Variants in CALN1 observed in about 807,000 individuals in gnomAD.
CALN1 encodes calcium-binding protein 8.
CALN1 carries 17 observed loss-of-function variants against 30.6 expected under a neutral mutation model. The ratio of observed to expected loss-of-function variants is 0.56; its 90% CI spans 0.38 to 0.83. The LOEUF is 0.83. Ranked by LOEUF, CALN1 falls within the 40% of genes least tolerant of loss-of-function variation. The probability of loss-of-function intolerance (pLI) is 0.00; values close to 1 mark genes in which losing one functional copy is unlikely to be tolerated. For missense variants in CALN1, 291 were observed against 354.9 expected, an observed-to-expected ratio of 0.82 and a Z score of 1.45; for synonymous variants, 156 against 131.4, an observed-to-expected ratio of 1.19 and a Z score of -1.28.
intron 5 of CALN1, among the ~76,000 whole-genome samples, chr7:71,971,174 C>T (rs185029903): frequency 6.6e-6 from 1 of 152,178 alleles, no homozygotes; most frequent in African/African-American, 2.4e-5. Flanking sequence ...TGAGGCCAGG[C>T]GTGGTGGCTC....
At chr7:72,386,034 C>T (rs1233333081) in intron 2 of CALN1, among the ~76,000 whole-genome samples, 3 of 152,122 alleles carry the variant, frequency 2.0e-5, no homozygotes, top group Non-Finnish European at 4.4e-5. Context: ...GAAAAGGCTA[C>T]CTACTGTATG....
At chr7:72,271,050 C>T (rs1216446410) in intron 3 of CALN1, among the ~76,000 whole-genome samples, 2 of 152,172 alleles carry the variant, frequency 1.3e-5, no homozygotes, top group Non-Finnish European at 2.9e-5. Context: ...CAAGAGATAA[C>T]AAGGATGATT....
the CALN1 span, among the ~76,000 whole-genome samples, chr7:72,497,495 A>C: frequency 6.6e-6 from 1 of 152,336 alleles, no homozygotes. Context: ...TCACCAACTT[A>C]AAGGGATTTG....
intron 2 of CALN1, among the ~76,000 whole-genome samples, chr7:72,369,291 ATATATATT>A (rs1388372454): frequency 8.1e-4 from 120 of 147,586 alleles, no homozygotes; most frequent in Non-Finnish European, 1.4e-3. Context: ...CATATAAAAT[ATATATATT>A]TATATATTTA....
intron 2 of CALN1, among the ~76,000 whole-genome samples, chr7:72,281,939 GA>G (rs1045722923): frequency 2.0e-5 from 3 of 150,166 alleles, no homozygotes; most frequent in African/African-American, 4.9e-5. Flanking sequence ...ATTTGCTTCT[GA>G]AAAAAAAAGG....
At chr7:72,285,277 C>T (rs760840631) in intron 2 of CALN1, among the ~76,000 whole-genome samples, 9 of 152,152 alleles carry the variant, frequency 5.9e-5, no homozygotes, top group Non-Finnish European at 1.2e-4. Flanking sequence ...TGGAGTCTTG[C>T]TCTGTTGCCC....
intron 5 of CALN1, among the ~76,000 whole-genome samples, chr7:72,010,308 A>G (rs762415588): frequency 2.6e-5 from 4 of 152,172 alleles, no homozygotes; most frequent in African/African-American, 7.2e-5. Context: ...ATATTCTGCA[A>G]TCTGGGAGAG....
At chr7:72,205,551 A>AAATATATATAT in intron 3 of CALN1, among the ~76,000 whole-genome samples, 6 of 83,052 alleles carry the variant, frequency 7.2e-5, no homozygotes, top group African/African-American at 4.5e-4. Context: ...GCAAAAAAAA[A>AAATATATATAT]ATATATATAT....
intron 4 of CALN1, among the ~76,000 whole-genome samples, chr7:72,061,403 CT>C (rs1433788494): frequency 1.3e-5 from 2 of 151,968 alleles, no homozygotes; most frequent in African/African-American, 4.8e-5. Flanking sequence ...AGGTTTTTAT[CT>C]TTTTCTATCT....
intron 2 of CALN1, among the ~76,000 whole-genome samples, chr7:72,339,518 T>C (rs1802284963): frequency 6.6e-6 from 1 of 152,208 alleles, no homozygotes; most frequent in African/African-American, 2.4e-5. Flanking sequence ...AGCAACTTGA[T>C]AAGCAAGAAG....
chr7:72,015,941 C>T (rs1261559186), intron 5 of CALN1, among the ~76,000 whole-genome samples: 3 of 152,008 alleles, frequency 2.0e-5, no homozygotes, highest in African/African-American at 7.2e-5. Flanking sequence ...ATTAAGGTTC[C>T]ATTAGATGAT....
the CALN1 span, among the ~76,000 whole-genome samples, chr7:72,476,367 C>T: frequency 6.6e-6 from 1 of 152,136 alleles, no homozygotes; most frequent in African/African-American, 2.4e-5. Flanking sequence ...TCCATTAAAC[C>T]TCTTTCCTTT....
intron 2 of CALN1, among the ~76,000 whole-genome samples, chr7:72,327,192 T>C (rs1363788131): frequency 6.6e-6 from 1 of 152,208 alleles, no homozygotes; most frequent in Admixed American, 6.5e-5. Flanking sequence ...CATCAATGGT[T>C]CTGAGTAACA....
chr7:71,854,781 T>A (rs1790847713), intron 5 of CALN1, among the ~76,000 whole-genome samples: 2 of 152,208 alleles, frequency 1.3e-5, no homozygotes, highest in African/African-American at 4.8e-5. Context: ...TGTCAGTCAG[T>A]GGGTGATAAC....
chr7:72,246,753 A>ATTTTTTTTTTT (rs58282615), intron 3 of CALN1, among the ~76,000 whole-genome samples: 16 of 116,568 alleles, frequency 1.4e-4, no homozygotes, highest in Non-Finnish European at 1.9e-4. Flanking sequence ...TACCAGAACA[A>ATTTTTTTTTTT]TTTTTTTTTT....
intron 2 of CALN1, among the ~76,000 whole-genome samples, chr7:72,349,602 A>T (rs1373718528): frequency 6.6e-6 from 1 of 152,218 alleles, no homozygotes; most frequent in Non-Finnish European, 1.5e-5. Context: ...AAGACAATGG[A>T]ACATTTTTAA....
At chr7:72,205,574 A>ATATATATATATATATATG (rs1791806741) in intron 3 of CALN1, among the ~76,000 whole-genome samples, 2 of 123,738 alleles carry the variant, frequency 1.6e-5, no homozygotes, top group Admixed American at 1.7e-4. Flanking sequence ...ATATGTATAT[A>ATATATATATATATATATG]TATATATATA....
intron 2 of CALN1, among the ~76,000 whole-genome samples, chr7:72,344,568 T>G (rs1223285960): frequency 3.4e-5 from 5 of 147,290 alleles, no homozygotes; most frequent in Non-Finnish European, 7.5e-5. Context: ...ATATATATAT[T>G]TATTTATATA....
intron 1 of CALN1, among the ~76,000 whole-genome samples, chr7:72,420,554 C>G (rs1211221945): frequency 6.6e-6 from 1 of 151,842 alleles, no homozygotes; most frequent in South Asian, 2.1e-4. Context: ...AAAAATTCCC[C>G]CAAAGGCAAC....
Sources: allele counts gnomAD v4.1 joint callset (sites outside exome capture counted in the v4.1 genomes callset), GRCh38; gene constraint gnomAD v4.1.1; transcripts MANE v1.5; gene names NCBI Gene and HGNC (gene_info 2026-07-23, HGNC 2026-07-21).